The following CCDC102B variants were observed in gnomAD, a reference collection of about 807,000 sequenced individuals.
CCDC102B encodes coiled-coil domain-containing protein 102B.
CCDC102B carries 75 observed loss-of-function variants against 57.4 expected under a neutral mutation model. The ratio of observed to expected loss-of-function variants is 1.31; its 90% CI spans 1.08 to 1.58. The LOEUF (loss-of-function observed/expected upper bound fraction) is 1.58, where lower values mean the gene tolerates loss of function less well. CCDC102B is among the 40% of genes most tolerant of loss of function. The pLI is 0.00. For missense variants in CCDC102B, 636 were observed against 582.6 expected (o/e 1.09, Z -0.94); for synonymous variants, 206 against 201.9 (o/e 1.02, Z -0.17).
At chr18:68,830,969 G>C in intron 1 of CCDC102B, among the ~76,000 whole-genome samples, 1 of 151,968 alleles carries the variant, frequency 6.6e-6, no homozygotes, top group South Asian at 2.1e-4. Context: ...TTTATAAAAC[G>C]GATTATGGAT....
At chr18:68,930,204 G>A (rs919956434) in intron 6 of CCDC102B, among the ~76,000 whole-genome samples, 4 of 148,534 alleles carry the variant, frequency 2.7e-5, no homozygotes, top group Non-Finnish European at 5.9e-5. Flanking sequence ...ACATATATGA[G>A]TAGTTTATAC....
At chr18:68,841,084 A>G (rs955721885) in intron 3 of CCDC102B, among the ~76,000 whole-genome samples, 1 of 152,204 alleles carries the variant, frequency 6.6e-6, no homozygotes, top group African/African-American at 2.4e-5. Context: ...GCATGAGGCA[A>G]TCAGTCTTTT....
chr18:69,008,927 T>C (rs1006824864), intron 6 of CCDC102B, among the ~76,000 whole-genome samples: 6 of 152,226 alleles, frequency 3.9e-5, no homozygotes, highest in Non-Finnish European at 8.8e-5. Context: ...TAATGTTTTT[T>C]CTTAAATGTA....
intron 4 of CCDC102B, among the ~76,000 whole-genome samples, chr18:68,867,244 C>T (rs1174154083): frequency 1.3e-5 from 2 of 152,202 alleles, no homozygotes; most frequent in East Asian, 3.9e-4. Flanking sequence ...CCCGTCTCGG[C>T]CTCCCGAAGT....
At chr18:68,717,568 A>G (rs1287163829) in intron 2 of CCDC102B, among the ~76,000 whole-genome samples, 1 of 152,216 alleles carries the variant, frequency 6.6e-6, no homozygotes, top group Non-Finnish European at 1.5e-5. Flanking sequence ...TAATGCATTA[A>G]TCTGAAAATG....
At chr18:68,999,804 C>G (rs544064679) in intron 6 of CCDC102B, among the ~76,000 whole-genome samples, 2 of 152,250 alleles carry the variant, frequency 1.3e-5, no homozygotes, top group East Asian at 3.9e-4. Context: ...GCATCTGATA[C>G]TTGGTCTAGA....
chr18:69,036,639 C>T (rs1335480206), intron 7 of CCDC102B, among the ~76,000 whole-genome samples: 1 of 151,930 alleles, frequency 6.6e-6, no homozygotes, highest in African/African-American at 2.4e-5. Flanking sequence ...AACACTATTC[C>T]AGGCTCTTGA....
chr18:68,854,691 A>T (rs1389899367), intron 4 of CCDC102B, among the ~76,000 whole-genome samples: 1 of 152,006 alleles, frequency 6.6e-6, no homozygotes, highest in African/African-American at 2.4e-5. Flanking sequence ...TTTTTTATGT[A>T]TTTTTTAAGT....
At chr18:68,767,873 TTTATC>T (rs1219609304) in intron 2 of CCDC102B, among the ~76,000 whole-genome samples, 1 of 152,194 alleles carries the variant, frequency 6.6e-6, no homozygotes, top group East Asian at 1.9e-4. Flanking sequence ...TATTTATTTA[TTTATC>T]TTAGGTATAT....
chr18:68,748,222 G>GTGTT (rs2033704672), intron 2 of CCDC102B, among the ~76,000 whole-genome samples: 1 of 143,668 alleles, frequency 7.0e-6, no homozygotes, highest in Admixed American at 6.8e-5. Flanking sequence ...GTGTGTGTGT[G>GTGTT]TGTGTGTGTG....
intron 3 of CCDC102B, among the ~76,000 whole-genome samples, chr18:68,841,801 A>C (rs116067290): frequency 0.036 from 5,505 of 152,044 alleles, 312 homozygotes; most frequent in African/African-American, 0.12. Flanking sequence ...GGTGCAATGT[A>C]AGCTCACTGC....
chr18:69,024,147 A>G (rs966924083), intron 7 of CCDC102B, among the ~76,000 whole-genome samples: 2 of 152,120 alleles, frequency 1.3e-5, no homozygotes, highest in African/African-American at 2.4e-5. Context: ...ACAGACTTAT[A>G]TCTTTAGATT....
At chr18:68,881,196 C>T (rs1362948969) in intron 5 of CCDC102B, among the ~76,000 whole-genome samples, 4 of 152,166 alleles carry the variant, frequency 2.6e-5, no homozygotes, top group African/African-American at 7.2e-5. Context: ...AAGCTTTCCC[C>T]TTCAAAGAAG....
chr18:68,913,310 C>CTCTGTGTG (rs558373265), intron 6 of CCDC102B, among the ~76,000 whole-genome samples: 1 of 135,496 alleles, frequency 7.4e-6, no homozygotes, highest in Non-Finnish European at 1.6e-5. Flanking sequence ...TGGTTAGTGT[C>CTCTGTGTG]TGTGTGTGTG....
In CCDC102B at chr18:68,845,884, T is replaced by G. The variant is rs2037833807; in HGVS notation, c.828-429T>G. Among the ~76,000 whole-genome samples, 3 of 151,952 alleles carry G rather than the reference T, an allele frequency of 2.0e-5. No individual in the cohort carries two copies. In the South Asian group the frequency reaches 6.2e-4, roughly 31 times the overall value. ...ATGACTATTTTTTAAGATTGTTAGGTGGCTTGTTGGAATTCTGGGTCATTT... is the reference window on the plus strand; with the variant it reads ...ATGACTATTTTTTAAGATTGTTAGGGGGCTTGTTGGAATTCTGGGTCATTT... On this transcript the variant is annotated intron_variant, in intron 3 of 7. Transcript: ENST00000360242.
At chr18:68,969,220 C>A (rs1266892277) in intron 6 of CCDC102B, among the ~76,000 whole-genome samples, 2 of 152,154 alleles carry the variant, frequency 1.3e-5, no homozygotes, top group South Asian at 2.1e-4. Context: ...AATCCAGACA[C>A]CTCATCCTCA....
At chr18:68,971,167 T>C (rs1416164619) in intron 6 of CCDC102B, among the ~76,000 whole-genome samples, 1 of 152,056 alleles carries the variant, frequency 6.6e-6, no homozygotes, top group Non-Finnish European at 1.5e-5. Context: ...TCATTTTGAC[T>C]AGCTCTATTT....
intron 6 of CCDC102B, among the ~76,000 whole-genome samples, chr18:68,941,345 A>G (rs2049376268): frequency 6.6e-6 from 1 of 152,010 alleles, no homozygotes; most frequent in Non-Finnish European, 1.5e-5. Context: ...AGGGGATATT[A>G]TTAAGTTGGA....
chr18:68,909,834 C>T (rs540064265), intron 6 of CCDC102B, among the ~76,000 whole-genome samples: 2 of 152,252 alleles, frequency 1.3e-5, no homozygotes, highest in East Asian at 3.9e-4. Context: ...ATTAAAAGTG[C>T]ATCTGGACCT....
Sources: gnomAD v4.1 joint callset for allele counts (sites outside exome capture counted in the v4.1 genomes callset) on GRCh38, gnomAD v4.1.1 for gene constraint, MANE v1.5 for transcripts, NCBI Gene and HGNC (gene_info 2026-07-23, HGNC 2026-07-21) for gene names.